Variants in NPY1R observed in about 807,000 individuals in gnomAD.
NPY1R encodes the protein neuropeptide Y receptor Y1.
A neutral mutation model predicts 24.1 loss-of-function variants in NPY1R; 10 were observed. The observed-to-expected ratio is 0.42, with a 90% confidence interval of 0.26 to 0.71. The LOEUF is 0.71. Among genes scored for constraint, NPY1R ranks in the 30% least tolerant of loss-of-function variants. The probability of loss-of-function intolerance (pLI) is 0.28; values close to 1 mark genes in which losing one functional copy is unlikely to be tolerated. For missense variants in NPY1R, 350 were observed against 458.0 expected (o/e 0.76, Z 2.15); for synonymous variants, 168 against 165.9 (o/e 1.01, Z -0.10).
rs552581455 is a variant in NPY1R, at chr4:163,325,120, C to T, written c.*183G>A. ...TTTCCAGAAGACCCCAAAGCCCACA[C>T]CTTTTGTTCCAAATGTAATTATGAC... is the stretch of plus-strand genomic sequence containing the variant. On this transcript the variant is annotated 3_prime_UTR_variant, in exon 3 of 3. Transcript: ENST00000296533. The T allele has an allele frequency of 3.9e-4, 230 of 586,204 alleles. 1 individual carries two copies. Among genetic ancestry groups the T allele is most frequent in the Middle Eastern group, 2.3e-3 (5 of 2,218 alleles). The allele number at this position is 586,204 out of a possible 1,614,324, so 36.3% of individuals were successfully genotyped here. A position where few individuals can be genotyped will look rare whatever the true frequency, so the allele number is the denominator to read the frequency against.
At position 163,331,714 on chromosome 4, in the gene NPY1R, C is replaced by T. The variant is rs568057684; in HGVS notation, c.-152+768G>A. Among the ~76,000 whole-genome samples, 5 of 152,350 alleles carry T rather than the reference C, an allele frequency of 3.3e-5. No individual in the cohort carries two copies. The South Asian group carries it at 1.0e-3, about 32-fold the overall frequency. ...GCACACCCTATCAAGACACCTCCAC[C>T]TCCTGTCCATTCCCAATCTCCTAAC... On this transcript the variant is annotated intron_variant, in intron 1 of 2. Coordinates refer to ENST00000296533, the MANE Select transcript of NPY1R (RefSeq NM_000909.6).
chr4:163,328,086 A>G (rs1442016059), intron 1 of NPY1R, among the ~76,000 whole-genome samples: 1 of 143,334 alleles, frequency 7.0e-6, no homozygotes, highest in Non-Finnish European at 1.6e-5. Context: ...CTAGAACATG[A>G]GTTTTTTTTT....
upstream of NPY1R, chr4:163,332,607 G>A (rs531430610): frequency 2.6e-5 from 4 of 152,350 alleles, no homozygotes; most frequent in East Asian, 5.8e-4. Context: ...GATGAAGCTA[G>A]GAAGAGACGC....
intron 1 of NPY1R, chr4:163,344,243 GC>G (rs1345037997): frequency 6.6e-6 from 1 of 152,482 alleles, no homozygotes; most frequent in Non-Finnish European, 1.5e-5. Context: ...TGAAGAGACA[GC>G]GGAGAGGGTA....
intron 1 of NPY1R, among the ~76,000 whole-genome samples, chr4:163,331,854 C>A (rs1160113643): frequency 1.3e-5 from 2 of 152,236 alleles, no homozygotes; most frequent in Non-Finnish European, 2.9e-5. Context: ...ACACTCGAAG[C>A]GCCCGGTACT....
chr4:163,330,179 C>T (rs761370255), intron 1 of NPY1R, among the ~76,000 whole-genome samples: 5 of 152,080 alleles, frequency 3.3e-5, no homozygotes, highest in Admixed American at 6.5e-5. Flanking sequence ...AAAATGAATA[C>T]ATATAAGAAT....
intron 1 of NPY1R, among the ~76,000 whole-genome samples, chr4:163,331,323 C>T (rs1200722221): frequency 6.6e-6 from 1 of 152,016 alleles, no homozygotes; most frequent in African/African-American, 2.4e-5. Context: ...CTCTCTTTTG[C>T]TCCTCTCCCC....
chr4:163,342,957 T>TTCTCTC (rs111227651), intron 1 of NPY1R, among the ~76,000 whole-genome samples: 30 of 133,284 alleles, frequency 2.3e-4, no homozygotes, highest in African/African-American at 7.7e-4. Context: ...CCTTCTCTCC[T>TTCTCTC]TCTCTCTCTC....
In NPY1R at chr4:163,326,342, C is replaced by A; in HGVS notation, c.213G>T (p.Met71Ile). 6.2e-7 allele frequency: 1 copy of A among 1,614,042 alleles called. No homozygotes were observed. The highest frequency in any genetic ancestry group is 8.5e-7 in the Non-Finnish European group (1 of 1,179,936). Residue 71 changes from methionine to isoleucine, a missense_variant, in exon 2 of 3, where the codon ATG (methionine) becomes ATT (isoleucine). Physicochemically the swap from Met to Ile is conservative, Grantham distance 10. Coordinates refer to ENST00000296533, the MANE Select transcript of NPY1R (RefSeq NM_000909.6). ...CAATCAGGATGTTGGTAACATTTCT[C>A]ATCTCCTTTTGTTTCAAGATGATTA... The part of the protein sequence containing the change: ...LIIIILKQKE[M>I]RNVTNILIVN...
At chr4:163,337,787 T>G (rs1483043786), upstream of NPY1R, among the ~76,000 whole-genome samples, 1 of 152,228 alleles carries the variant, frequency 6.6e-6, no homozygotes, top group East Asian at 1.9e-4. Flanking sequence ...TGCTCATCTC[T>G]TTCTCATAGT....
upstream of NPY1R, among the ~76,000 whole-genome samples, chr4:163,336,391 C>T (rs1380938233): frequency 6.6e-6 from 1 of 152,160 alleles, no homozygotes; most frequent in East Asian, 1.9e-4. Flanking sequence ...GTTACTATTA[C>T]TGTTTTTAAT....
chr4:163,328,512 A>G (rs1578933610), intron 1 of NPY1R, among the ~76,000 whole-genome samples: 1 of 152,344 alleles, frequency 6.6e-6, no homozygotes, highest in East Asian at 1.9e-4. Context: ...TTGAAGTAAA[A>G]CTAGCAGAGT....
At chr4:163,344,204 A>C (rs922210482) in intron 1 of NPY1R, 4 of 152,732 alleles carry the variant, frequency 2.6e-5, no homozygotes, top group African/African-American at 9.7e-5. Context: ...AATGGGGATT[A>C]GGGTGGCGGA....
At chr4:163,338,247 C>T (rs1734890450) in intron 1 of NPY1R, among the ~76,000 whole-genome samples, 1 of 152,118 alleles carries the variant, frequency 6.6e-6, no homozygotes. Flanking sequence ...GCCCTTAGCC[C>T]AAAGCCTGCC....
At chr4:163,326,837 C>A in intron 1 of NPY1R, 132 bp from the exon 2 acceptor site, 1 of 259,312 alleles carries the variant, frequency 3.9e-6, no homozygotes, top group African/African-American at 2.2e-5. Flanking sequence ...AAACATCTTT[C>A]TAAAATAGCA....
In NPY1R at chr4:163,325,348, G is replaced by T. The variant is rs763616172; in HGVS notation, c.1110C>A (p.Val370=). The T allele has an allele frequency of 6.2e-7, 1 of 1,612,330 alleles. No homozygotes were observed. Among genetic ancestry groups the T allele is most frequent in the Non-Finnish European group, 8.5e-7 (1 of 1,179,490 alleles). Residue 370 remains valine (V), a synonymous_variant, in exon 3 of 3, where the codon GTC becomes GTA. Coordinates refer to ENST00000296533, the MANE Select transcript of NPY1R (RefSeq NM_000909.6). ...CATTGTTGTTGATTTTTTTAAATGCGACTGGGCTTGCTTGCTTCAAAGAAG... is the reference window on the plus strand; with the variant it reads ...CATTGTTGTTGATTTTTTTAAATGCTACTGGGCTTGCTTGCTTCAAAGAAG... ...SKTSLKQASP[V]AFKKINNNDD...
rs1309270795 is a variant in NPY1R, at chr4:163,324,888, AG to A, written c.*414del. Reference sequence around the variant, plus strand: ...CTAAAATGATGCCTATCATAAAGTAAGGATGGCCCAATCTGTTGACAATCTA... The same window carrying A: ...CTAAAATGATGCCTATCATAAAGTAAGATGGCCCAATCTGTTGACAATCTA... On this transcript the variant is annotated 3_prime_UTR_variant, in exon 3 of 3. Coordinates refer to ENST00000296533, the MANE Select transcript of NPY1R (RefSeq NM_000909.6). The A allele has an allele frequency of 6.8e-5, 11 of 162,632 alleles. No individual in the cohort carries two copies. Among genetic ancestry groups the A allele is most frequent in the Admixed American group, 2.9e-4 (5 of 17,460 alleles). 10.1% of individuals were successfully genotyped at this position (162,632 alleles called of 1,614,324 possible).
rs1215635845 is a variant in NPY1R at position 163,326,691 on chromosome 4, C to G, written c.-137G>C. 1 of 602,030 alleles carries G rather than the reference C, an allele frequency of 1.7e-6. No individual in the cohort carries two copies. 37.3% of individuals were successfully genotyped at this position (602,030 alleles called of 1,614,324 possible). On this transcript the variant is annotated 5_prime_UTR_variant, in exon 2 of 3. Coordinates refer to ENST00000296533, the MANE Select transcript of NPY1R (RefSeq NM_000909.6). The stretch of plus-strand genomic sequence containing the variant: ...AAAATTATTCTGAATTCTTCATTCC[C>G]TTGAACTGAACAATCTGTAAAGAGA...
At chr4:163,326,790 G>T in intron 1 of NPY1R, 85 bp from the exon 2 acceptor site, 1 of 371,498 alleles carries the variant, frequency 2.7e-6, no homozygotes, top group South Asian at 7.5e-5. Context: ...TCTTTAAAGT[G>T]AAAACACTGA....
Sources: gnomAD v4.1 joint callset for allele counts (sites outside exome capture counted in the v4.1 genomes callset) on GRCh38, gnomAD v4.1.1 for gene constraint, MANE v1.5 for transcripts, NCBI Gene and HGNC (gene_info 2026-07-23, HGNC 2026-07-21) for gene names.